Variants in PRSS35 observed in about 807,000 individuals in gnomAD.
PRSS35 encodes the protein inactive serine protease 35.
In PRSS35, 7 loss-of-function variants were observed where a neutral mutation model predicts 8.1. The ratio of observed to expected loss-of-function variants is 0.86; its 90% confidence interval spans 0.49 to 1.62. The LOEUF (loss-of-function observed/expected upper bound fraction) is 1.62. PRSS35 is among the 40% of genes most tolerant of loss of function. The pLI, the probability that PRSS35 is intolerant of heterozygous loss-of-function variation, is 0.00. For synonymous variants in PRSS35, 199 were observed against 188.7 expected (o/e 1.05, Z -0.45); for missense variants, 566 against 518.0 (o/e 1.09, Z -0.90).
In PRSS35 at chr6:83,512,593, T is replaced by A. The variant is rs1191401289; in HGVS notation, c.-122T>A. Reference sequence around the variant, plus strand: ...CGGCCTTGGCGGGGCGGCCTCCGGCTCAGGCTGGCTGAGAGGCTCCCAGCT... The same window carrying A: ...CGGCCTTGGCGGGGCGGCCTCCGGCACAGGCTGGCTGAGAGGCTCCCAGCT... On this transcript the variant is annotated 5_prime_UTR_variant, in exon 1 of 2. Transcript: ENST00000369700. 2 of 152,372 alleles carry A rather than the reference T, an allele frequency of 1.3e-5. No individual in the cohort carries two copies. Among genetic ancestry groups the A allele is most frequent in the African/African-American group, 4.8e-5 (2 of 41,510 alleles). 9.4% of individuals were successfully genotyped at this position (152,372 alleles called of 1,614,324 possible).
intron 1 of PRSS35, among the ~76,000 whole-genome samples, chr6:83,516,343 G>T (rs1282460849): frequency 1.3e-5 from 2 of 151,858 alleles, no homozygotes; most frequent in African/African-American, 2.4e-5. Context: ...GGGAGGCCGA[G>T]ATGGGCGGAT....
intron 1 of PRSS35, 26 bp from the exon 2 acceptor site, chr6:83,523,396 A>C (rs372257464): frequency 1.1e-4 from 174 of 1,519,204 alleles, no homozygotes; most frequent in Admixed American, 1.7e-4. Context: ...AAACATTATA[A>C]ACCTCTCTCT....
At position 83,516,537 on chromosome 6, in the gene PRSS35, T is replaced by C. The variant is rs546900099; in HGVS notation, c.-21+3843T>C. Among the ~76,000 whole-genome samples, 62 of 146,144 alleles carry C rather than the reference T, an allele frequency of 4.2e-4. No homozygotes were observed. In the South Asian group the frequency reaches 0.011, roughly 25 times the overall value. On this transcript the variant is annotated intron_variant, in intron 1 of 1. Coordinates refer to ENST00000369700, the MANE Select transcript of PRSS35 (RefSeq NM_153362.3). ...CTTGCAGTGAGCCGAGATCACGCCATTGCACTCTAGCCTGGGCGACTGAGA... is the reference window on the plus strand; with the variant it reads ...CTTGCAGTGAGCCGAGATCACGCCACTGCACTCTAGCCTGGGCGACTGAGA...
chr6:83,516,140 ACAGT>A (rs1771708886), intron 1 of PRSS35, among the ~76,000 whole-genome samples: 1 of 152,084 alleles, frequency 6.6e-6, no homozygotes, highest in Non-Finnish European at 1.5e-5. Context: ...TTCTTTCTAA[ACAGT>A]CAGGCAGACT....
Position 83,523,435 on chromosome 6 carries a change from G to A in PRSS35, c.-7G>A. ...TCTATTTTTAAGGACAAAATTAGAA[G>A]ATCAAAATGGAAAATATGCTGCTTT... On this transcript the variant is annotated 5_prime_UTR_variant, in exon 2 of 2. Transcript: ENST00000369700. 6.2e-7 allele frequency: 1 copy of A among 1,602,488 alleles called. No homozygotes were observed. Among genetic ancestry groups the A allele is most frequent in the South Asian group, 1.1e-5 (1 of 88,796 alleles).
chr6:83,514,981 A>C (rs1771685441), intron 1 of PRSS35, among the ~76,000 whole-genome samples: 1 of 152,240 alleles, frequency 6.6e-6, no homozygotes. Context: ...TTTTAAAATA[A>C]AATCTATTTC....
intron 1 of PRSS35, among the ~76,000 whole-genome samples, chr6:83,522,567 C>T (rs1771842520): frequency 6.6e-6 from 1 of 152,198 alleles, no homozygotes; most frequent in Non-Finnish European, 1.5e-5. Context: ...CCCCCCCAAA[C>T]AGCCTGTACT....
In PRSS35 at chr6:83,524,333, A is replaced by G. The variant is rs369975035; in HGVS notation, c.892A>G (p.Thr298Ala). The G allele has an allele frequency of 5.0e-6, 8 of 1,614,068 alleles. No individual in the cohort carries two copies. The highest frequency in any genetic ancestry group is 1.7e-5 in the Admixed American group (1 of 59,992). The change falls in exon 2 of 2, where the codon ACG becomes GCG. Residue 298 changes from threonine to alanine, a missense_variant. Thr to Ala is a moderately conservative substitution (Grantham distance 58). Transcript: ENST00000369700. The part of the protein sequence containing the change: ...KKYMELGISP[T>A]IKKMPGGMIH... ...ATACATGGAACTTGGAATCAGCCCA[A>G]CGATCAAGAAAATGCCTGGTGGAAT...
intron 1 of PRSS35, among the ~76,000 whole-genome samples, chr6:83,515,823 T>G (rs1424393896): frequency 1.9e-5 from 2 of 102,852 alleles, no homozygotes; most frequent in Non-Finnish European, 4.4e-5. Context: ...ACTACTTCTC[T>G]TTTCTTTTTT....
At chr6:83,521,627 G>T (rs887941011) in intron 1 of PRSS35, among the ~76,000 whole-genome samples, 3 of 151,734 alleles carry the variant, frequency 2.0e-5, no homozygotes, top group African/African-American at 4.8e-5. Flanking sequence ...CTGCTGAGTA[G>T]CTGGGACTAC....
At position 83,524,677 on chromosome 6, in the gene PRSS35, C is replaced by T. The variant is rs1484935431; in HGVS notation, c.1236C>T (p.Tyr412=). Residue 412 remains tyrosine, a synonymous_variant, in exon 2 of 2, where the codon TAC becomes TAT. Coordinates refer to ENST00000369700, the MANE Select transcript of PRSS35 (RefSeq NM_153362.3). ...ACGGGAACGATGCCAATTGTGCTTA[C>T]GGCTAACAGAGACCTGAAACAGGGC... ...WIHGNDANCA[Y]G The T allele has an allele frequency of 2.5e-6, 4 of 1,601,944 alleles. No individual in the cohort carries two copies. The highest frequency in any genetic ancestry group is 1.3e-5 in the African/African-American group (1 of 74,642).
chr6:83,515,267 C>T (rs903371100), intron 1 of PRSS35, among the ~76,000 whole-genome samples: 1 of 152,108 alleles, frequency 6.6e-6, no homozygotes, highest in Non-Finnish European at 1.5e-5. Context: ...ATAAAGGCTT[C>T]GAAATGCATG....
intron 1 of PRSS35, among the ~76,000 whole-genome samples, chr6:83,523,174 T>A (rs1188385393): frequency 6.6e-6 from 1 of 151,894 alleles, no homozygotes; most frequent in Non-Finnish European, 1.5e-5. Flanking sequence ...AGATGACAGG[T>A]TGGGGTGGGA....
In PRSS35 at chr6:83,524,395, T is replaced by C; in HGVS notation, c.954T>C (p.Asp318=). The C allele has an allele frequency of 6.2e-7, 1 of 1,614,164 alleles. No individual in the cohort carries two copies. The highest frequency in any genetic ancestry group is 8.5e-7 in the Non-Finnish European group (1 of 1,180,030). The part of the protein sequence containing the change: ...HFSGFDNDRA[D]QLVYRFCSVS... ...CAGGATTTGATAACGATAGGGCTGA[T>C]CAGTTGGTCTATCGGTTTTGCAGTG... Residue 318 remains aspartate, a synonymous_variant, in exon 2 of 2, where the codon GAT becomes GAC. Coordinates refer to ENST00000369700, the MANE Select transcript of PRSS35 (RefSeq NM_153362.3).
intron 1 of PRSS35, among the ~76,000 whole-genome samples, chr6:83,515,618 C>T (rs1771698334): frequency 6.6e-6 from 1 of 152,066 alleles, no homozygotes; most frequent in Admixed American, 6.6e-5. Flanking sequence ...ATCCTCCCAA[C>T]TCAGCCCAGA....
At chr6:83,515,736 C>T (rs1041223370) in intron 1 of PRSS35, among the ~76,000 whole-genome samples, 4 of 152,204 alleles carry the variant, frequency 2.6e-5, no homozygotes, top group Non-Finnish European at 5.9e-5. Flanking sequence ...CCCATCCCAG[C>T]CTCCCAAAGT....
At chr6:83,516,383 G>A (rs1771715047) in intron 1 of PRSS35, among the ~76,000 whole-genome samples, 1 of 151,380 alleles carries the variant, frequency 6.6e-6, no homozygotes, top group African/African-American at 2.4e-5. Context: ...GACCATCCTG[G>A]CCAACACGGT....
At chr6:83,519,200 A>G (rs1209616009) in intron 1 of PRSS35, among the ~76,000 whole-genome samples, 1 of 152,216 alleles carries the variant, frequency 6.6e-6, no homozygotes, top group Non-Finnish European at 1.5e-5. Context: ...GAGTTCATCT[A>G]CATACACAGA....
chr6:83,513,093 G>A (rs1272075667), intron 1 of PRSS35, among the ~76,000 whole-genome samples: 2 of 152,072 alleles, frequency 1.3e-5, no homozygotes, highest in Non-Finnish European at 2.9e-5. Flanking sequence ...TGGCTGCGGA[G>A]GTCAGCAAAA....
Sources: allele counts gnomAD v4.1 joint callset (sites outside exome capture counted in the v4.1 genomes callset), GRCh38; gene constraint gnomAD v4.1.1; transcripts MANE v1.5; gene names NCBI Gene and HGNC (gene_info 2026-07-23, HGNC 2026-07-21).